KIF16B: variants seen among roughly 807,000 people sequenced by gnomAD.
KIF16B encodes kinesin family member 16B.
A neutral mutation model predicts 156.3 loss-of-function variants in KIF16B; 98 were observed. The ratio of observed to expected loss-of-function variants is 0.63; its 90% CI spans 0.53 to 0.74. The LOEUF (loss-of-function observed/expected upper bound fraction) is 0.74. KIF16B is among the 30% of genes least tolerant of loss of function. KIF16B has a pLI of 0.00. For missense variants in KIF16B, 1,421 were observed against 1,606.5 expected (o/e 0.88, Z 1.97); for synonymous variants, 564 against 583.7 (o/e 0.97, Z 0.49).
At chr20:16,359,244 T>G (rs532772989) in intron 22 of KIF16B, among the ~76,000 whole-genome samples, 4 of 152,246 alleles carry the variant, frequency 2.6e-5, no homozygotes, top group Middle Eastern at 3.4e-3. Flanking sequence ...GTGGGAGGTG[T>G]TTGGGTCACA....
chr20:16,342,759 C>T (rs1036721049), intron 23 of KIF16B, among the ~76,000 whole-genome samples: 6 of 152,160 alleles, frequency 3.9e-5, no homozygotes, highest in Non-Finnish European at 8.8e-5. Context: ...TTTGAATATC[C>T]CCTTGTTTAT....
rs751454373 is a variant in KIF16B at position 16,427,109 on chromosome 20, T to A, written c.1607A>T (p.Asn536Ile). 3.1e-6 allele frequency: 5 copies of A among 1,602,362 alleles called. No homozygotes were observed. The Admixed American group carries it at 8.6e-5, about 28-fold the overall frequency. Reference sequence around the variant, plus strand: ...TGAAAATTAAAACCAGATACCTTGATTTAGATGTGTGGCCTCCACGATCTG... The same window carrying A: ...TGAAAATTAAAACCAGATACCTTGAATTAGATGTGTGGCCTCCACGATCTG... Reference protein sequence around the residue: ...GVQIVEATHLNQGAVILLGRT... With the variant: ...GVQIVEATHLIQGAVILLGRT... The change falls in exon 15 of 26, where the codon AAT becomes ATT. Residue 536 changes from asparagine to isoleucine, a missense_variant. Asn to Ile is a moderately radical substitution (Grantham distance 149, BLOSUM62 -3). Transcript: ENST00000354981.
At chr20:16,361,846 G>A (rs188916275) in intron 22 of KIF16B, among the ~76,000 whole-genome samples, 8 of 152,170 alleles carry the variant, frequency 5.3e-5, no homozygotes, top group Admixed American at 1.3e-4. Flanking sequence ...GATCTGAGCC[G>A]ACCAACATTG....
rs192192908 is a variant in KIF16B, at chr20:16,377,604, C to G, written c.3197+1201G>C. Among the ~76,000 whole-genome samples the G allele has an allele frequency of 2.0e-5, 3 of 151,982 alleles. No homozygotes were observed. In the East Asian group the frequency reaches 5.9e-4, roughly 30 times the overall value. ...TGATCTCATCCATCCTCTTCTTGTA[C>G]AAGTGGTGACACTGAGGCCCAGTGA... On this transcript the variant is annotated intron_variant, in intron 19 of 25. Coordinates refer to ENST00000354981, the MANE Select transcript of KIF16B (RefSeq NM_024704.5).
rs552363647 is a variant in KIF16B at position 16,430,294 on chromosome 20, C to T, written c.1303-312G>A. Among the ~76,000 whole-genome samples, 337 of 152,258 alleles carry T rather than the reference C, an allele frequency of 2.2e-3. 1 individual carries two copies. Among genetic ancestry groups the T allele is most frequent in the African/African-American group, 7.6e-3 (316 of 41,546 alleles). On this transcript the variant is annotated intron_variant, in intron 12 of 25. Transcript: ENST00000354981. ...AGTAAACTTTCTCACTCTTCAGAGC[C>T]TTTATGCCATTTAATATCAAGATGT...
At chr20:16,374,758 C>T (rs186118017) in intron 19 of KIF16B, among the ~76,000 whole-genome samples, 1 of 152,314 alleles carries the variant, frequency 6.6e-6, no homozygotes, top group African/African-American at 2.4e-5. Context: ...GTGGACTACA[C>T]ATCAGGGTTC....
intron 12 of KIF16B, among the ~76,000 whole-genome samples, chr20:16,440,547 ACACACAC>A (rs2066769187): frequency 1.1e-5 from 1 of 87,120 alleles, no homozygotes; most frequent in African/African-American, 5.3e-5. Flanking sequence ...ACACACACAC[ACACACAC>A]ACACACACAC....
intron 12 of KIF16B, 38 bp downstream of exon 12, chr20:16,494,253 C>T: frequency 1.6e-6 from 2 of 1,256,600 alleles, no homozygotes; most frequent in Non-Finnish European, 2.3e-6. Context: ...CAGTTTAATC[C>T]ACCATAGTAA....
chr20:16,475,091 C>T (rs2067772094), intron 12 of KIF16B, among the ~76,000 whole-genome samples: 1 of 152,182 alleles, frequency 6.6e-6, no homozygotes, highest in African/African-American at 2.4e-5. Flanking sequence ...AAGAGAAAAA[C>T]ATTACTCTTA....
intron 12 of KIF16B, among the ~76,000 whole-genome samples, chr20:16,450,137 AAAG>A (rs1568548275): frequency 6.6e-6 from 1 of 152,224 alleles, no homozygotes; most frequent in Non-Finnish European, 1.5e-5. Flanking sequence ...ATAGATTGGT[AAAG>A]TTTATGAGCA....
At chr20:16,524,372 A>G (rs1353580875) in intron 3 of KIF16B, among the ~76,000 whole-genome samples, 1 of 152,258 alleles carries the variant, frequency 6.6e-6, no homozygotes, top group Non-Finnish European at 1.5e-5. Context: ...AAGGATATGA[A>G]CAGACACTTC....
chr20:16,430,406 T>C (rs1220795883), intron 12 of KIF16B, among the ~76,000 whole-genome samples: 1 of 152,120 alleles, frequency 6.6e-6, no homozygotes, highest in African/African-American at 2.4e-5. Flanking sequence ...ATTACTTACC[T>C]TGCACCAGAG....
At chr20:16,382,129 G>A (rs1477648828) in intron 17 of KIF16B, 2 of 1,350,836 alleles carry the variant, frequency 1.5e-6, no homozygotes, top group African/African-American at 3.0e-5. Context: ...ATAGGGAAAA[G>A]ACTGCCAGGG....
At chr20:16,350,721 G>C (rs759379825) in intron 23 of KIF16B, among the ~76,000 whole-genome samples, 7 of 151,834 alleles carry the variant, frequency 4.6e-5, no homozygotes, top group Non-Finnish European at 8.8e-5. Context: ...GGAGCATGAG[G>C]AGCTGGGTGG....
chr20:16,301,320 G>A (rs2063468635), intron 25 of KIF16B, among the ~76,000 whole-genome samples: 1 of 152,140 alleles, frequency 6.6e-6, no homozygotes, highest in Non-Finnish European at 1.5e-5. Flanking sequence ...TCTTTGAGAG[G>A]GCACGTTTCA....
chr20:16,565,794 A>C (rs1334878832), intron 1 of KIF16B, among the ~76,000 whole-genome samples: 1 of 151,806 alleles, frequency 6.6e-6, no homozygotes, highest in East Asian at 1.9e-4. Flanking sequence ...ACCCACCCCA[A>C]CCCGCGTAGG....
At chr20:16,440,007 AG>A (rs956351365) in intron 12 of KIF16B, among the ~76,000 whole-genome samples, 2 of 152,182 alleles carry the variant, frequency 1.3e-5, no homozygotes, top group African/African-American at 2.4e-5. Context: ...TTCCTATGCA[AG>A]TAACTCCACC....
chr20:16,445,014 T>C (rs1366059662), intron 12 of KIF16B, among the ~76,000 whole-genome samples: 1 of 152,108 alleles, frequency 6.6e-6, no homozygotes, highest in African/African-American at 2.4e-5. Flanking sequence ...GCATTTACTA[T>C]AGATTGTGAA....
In KIF16B at chr20:16,367,180, G is replaced by A. The variant is rs1459909368; in HGVS notation, c.3498+3406C>T. Reference sequence around the variant, plus strand: ...TGTCAAATGTGAGATTAGCCAAAGAGCCTCATCTTGAGAATTGAAAGTAAG... The same window carrying A: ...TGTCAAATGTGAGATTAGCCAAAGAACCTCATCTTGAGAATTGAAAGTAAG... On this transcript the variant is annotated intron_variant, in intron 22 of 25. Transcript: ENST00000354981. 3.7e-6 allele frequency: 6 copies of A among 1,609,558 alleles called. No homozygotes were observed. The Admixed American group carries it at 8.4e-5, about 22-fold the overall frequency.
Sources: gnomAD v4.1 joint callset for allele counts (sites outside exome capture counted in the v4.1 genomes callset) on GRCh38, gnomAD v4.1.1 for gene constraint, MANE v1.5 for transcripts, NCBI Gene and HGNC (gene_info 2026-07-23, HGNC 2026-07-21) for gene names.